Variants in OSBPL10 observed in about 807,000 individuals in gnomAD.
The protein encoded by OSBPL10 is oxysterol binding protein like 10, also known as oxysterol-binding protein-related protein 10.
OSBPL10 carries 49 observed loss-of-function variants against 81.7 expected under a neutral mutation model. That is an observed-to-expected ratio of 0.60 (90% CI 0.48 to 0.76). OSBPL10 has a LOEUF of 0.76. OSBPL10 is among the 30% of genes least tolerant of loss of function. OSBPL10 has a pLI of 0.00. For missense variants in OSBPL10, 923 were observed against 987.8 expected, an observed-to-expected ratio of 0.93 and a Z score of 0.88; for synonymous variants, 419 against 383.6, an observed-to-expected ratio of 1.09 and a Z score of -1.08.
chr3:31,971,130 TTC>T (rs1698551866), intron 1 of OSBPL10, among the ~76,000 whole-genome samples: 1 of 130,672 alleles, frequency 7.7e-6, no homozygotes, highest in African/African-American at 3.4e-5. Flanking sequence ...CTGTTTTTTT[TTC>T]TTTTTTCTTT....
chr3:31,751,404 T>A (rs569674962), intron 4 of OSBPL10, among the ~76,000 whole-genome samples: 1 of 147,202 alleles, frequency 6.8e-6, no homozygotes, highest in East Asian at 2.0e-4. Context: ...TAAAATAAAA[T>A]AAAAATAAAA....
At chr3:31,886,259 T>C (rs1205913190) in intron 1 of OSBPL10, among the ~76,000 whole-genome samples, 1 of 151,940 alleles carries the variant, frequency 6.6e-6, no homozygotes, top group Non-Finnish European at 1.5e-5. Flanking sequence ...GGGGAGGTTA[T>C]GGCCCTCTCT....
At chr3:31,960,216 C>G (rs954800163) in intron 1 of OSBPL10, 2 of 152,152 alleles carry the variant, frequency 1.3e-5, no homozygotes, top group African/African-American at 4.8e-5. Context: ...GAGATCGCTT[C>G]TGAACTTTTA....
chr3:31,680,884 A>T (rs1161867006), intron 8 of OSBPL10, among the ~76,000 whole-genome samples: 1 of 152,216 alleles, frequency 6.6e-6, no homozygotes, highest in Non-Finnish European at 1.5e-5. Flanking sequence ...TCCCCTTGTC[A>T]ACAGCAGGAA....
intron 4 of OSBPL10, among the ~76,000 whole-genome samples, chr3:31,817,495 G>A (rs1482255935): frequency 6.6e-6 from 1 of 152,136 alleles, no homozygotes; most frequent in African/African-American, 2.4e-5. Context: ...CCCGGCTCCT[G>A]CCTGCTCCGT....
At chr3:31,995,182 TTG>T (rs1699077714) in intron 2 of OSBPL10, among the ~76,000 whole-genome samples, 1 of 152,016 alleles carries the variant, frequency 6.6e-6, no homozygotes, top group Non-Finnish European at 1.5e-5. Flanking sequence ...AAAACAGAGT[TTG>T]AGAGCAGAGA....
intron 1 of OSBPL10, among the ~76,000 whole-genome samples, chr3:31,963,017 C>A (rs1232207905): frequency 6.6e-6 from 1 of 152,088 alleles, no homozygotes; most frequent in Non-Finnish European, 1.5e-5. Context: ...CTCAAAGGAG[C>A]CATGTGTTTC....
intron 1 of OSBPL10, among the ~76,000 whole-genome samples, chr3:31,914,583 C>T (rs1276596420): frequency 6.6e-6 from 1 of 152,000 alleles, no homozygotes; most frequent in African/African-American, 2.4e-5. Flanking sequence ...CTCTGATTTC[C>T]CAGTATATGG....
At chr3:32,002,352 C>T (rs919659997) in intron 2 of OSBPL10, among the ~76,000 whole-genome samples, 2 of 152,156 alleles carry the variant, frequency 1.3e-5, no homozygotes, top group Non-Finnish European at 2.9e-5. Flanking sequence ...CATAGGGTAT[C>T]TCCCCAAACA....
chr3:31,776,717 T>C (rs1233592307), intron 4 of OSBPL10, among the ~76,000 whole-genome samples: 2 of 152,190 alleles, frequency 1.3e-5, no homozygotes, highest in African/African-American at 4.8e-5. Context: ...TATGATTCCA[T>C]TTACATGAAA....
chr3:31,897,082 G>A (rs1696081063), intron 1 of OSBPL10, among the ~76,000 whole-genome samples: 1 of 152,018 alleles, frequency 6.6e-6, no homozygotes, highest in Admixed American at 6.6e-5. Context: ...ATAAAAGGAA[G>A]AAAAAAGAAT....
chr3:31,989,280 C>T (rs1166140083), intron 2 of OSBPL10: 1 of 1,613,964 alleles, frequency 6.2e-7, no homozygotes, highest in African/African-American at 1.3e-5. Context: ...ATATCTCTTC[C>T]AAATGCATGA....
At position 31,980,998 on chromosome 3, in the gene OSBPL10, A is replaced by T; in HGVS notation, c.182T>A (p.Val61Glu). 1 of 1,522,420 alleles carries T rather than the reference A, an allele frequency of 6.6e-7. No homozygotes were observed. The highest frequency in any genetic ancestry group is 8.8e-7 in the Non-Finnish European group (1 of 1,139,586). The allele number at this position is 1,522,420 out of a possible 1,614,324, so 94.3% of individuals were successfully genotyped here. A position where few individuals can be genotyped will look rare whatever the true frequency, so the allele number is the denominator to read the frequency against. Residue 61 changes from valine to glutamate, a missense_variant, in exon 1 of 12, where the codon GTG becomes GAG. Physicochemically the swap from Val to Glu is moderately radical, Grantham distance 121. Transcript: ENST00000396556. ...GCCTCCCCCGGACGGGCTAGCGGCC[A>T]CAGAGCCCGGGCTGCTGCGGCTTCC... ...GGGSRSSPGS[V>E]AASPSGGGGR...
chr3:31,730,060 T>G (rs1696922963), intron 6 of OSBPL10, among the ~76,000 whole-genome samples: 1 of 151,790 alleles, frequency 6.6e-6, no homozygotes, highest in East Asian at 1.9e-4. Context: ...GTTAAGAGAG[T>G]GGCCGGGCAC....
chr3:31,745,449 C>G (rs116728089), intron 5 of OSBPL10, among the ~76,000 whole-genome samples: 2 of 152,168 alleles, frequency 1.3e-5, no homozygotes, highest in South Asian at 2.1e-4. Flanking sequence ...GATATGTGAG[C>G]ATTTTTCATA....
Position 32,020,245 on chromosome 3 carries a change from G to A in OSBPL10, n.298+26246C>T, listed in dbSNP as rs180753090. Among the ~76,000 whole-genome samples, 8 of 152,140 alleles carry A rather than the reference G, an allele frequency of 5.3e-5. No homozygotes were observed. In the East Asian group the frequency reaches 7.7e-4, roughly 15 times the overall value. ...TTAGAATCTGTATAGTTGTACAATC[G>A]TCACCACATTCCAATTTTAGAACCC... On this transcript the variant is annotated intron_variant and non_coding_transcript_variant, in intron 2 of 3. Transcript: ENST00000479173.
intron 6 of OSBPL10, among the ~76,000 whole-genome samples, chr3:31,730,301 C>T (rs1416991571): frequency 1.3e-5 from 2 of 150,748 alleles, no homozygotes. Context: ...AGATCGATCA[C>T]GCCACTGTAC....
intron 9 of OSBPL10, among the ~76,000 whole-genome samples, chr3:31,669,707 G>A (rs1280596916): frequency 6.6e-6 from 1 of 152,160 alleles, no homozygotes; most frequent in Non-Finnish European, 1.5e-5. Context: ...CTCCACCACT[G>A]AGCTTTCTGC....
intron 2 of OSBPL10, among the ~76,000 whole-genome samples, chr3:32,039,083 T>G (rs1021271028): frequency 6.6e-6 from 1 of 150,518 alleles, no homozygotes; most frequent in African/African-American, 2.4e-5. Context: ...CTAGCACTTT[T>G]GGGAGGTTGA....
Sources: gnomAD v4.1 joint callset for allele counts (sites outside exome capture counted in the v4.1 genomes callset) on GRCh38, gnomAD v4.1.1 for gene constraint, MANE v1.5 for transcripts, NCBI Gene and HGNC (gene_info 2026-07-23, HGNC 2026-07-21) for gene names.